Variants in KATNB1 observed in about 807,000 individuals in gnomAD.
The protein encoded by KATNB1 is katanin p80 WD40 repeat-containing subunit B1.
A neutral mutation model predicts 82.3 loss-of-function variants in KATNB1; 38 were observed. The observed-to-expected ratio is 0.46, with a 90% CI of 0.36 to 0.61. The LOEUF is 0.61. Ranked by LOEUF, KATNB1 falls within the 20% of genes least tolerant of loss-of-function variation. KATNB1 has a pLI of 0.00. For missense variants in KATNB1, 749 were observed against 915.7 expected (o/e 0.82, Z 2.35); for synonymous variants, 361 against 368.7 (o/e 0.98, Z 0.24).
intron 16 of KATNB1, 99 bp from the exon 17 acceptor site, chr16:57,755,742 A>G: frequency 2.5e-6 from 3 of 1,182,620 alleles, no homozygotes; most frequent in Non-Finnish European, 3.6e-6. Flanking sequence ...CCACAGCCCC[A>G]TCAGCACACC....
intron 3 of KATNB1, 58 bp from the exon 4 acceptor site, chr16:57,744,336 G>T: frequency 7.0e-7 from 1 of 1,431,790 alleles, no homozygotes; most frequent in Non-Finnish European, 9.8e-7. Flanking sequence ...TGGAATTCAG[G>T]GCGCAACTGC....
At chr16:57,754,294 G>A (rs1008130670) in intron 13 of KATNB1, among the ~76,000 whole-genome samples, 5 of 152,304 alleles carry the variant, frequency 3.3e-5, no homozygotes, top group African/African-American at 9.6e-5. Context: ...GTCACTGGGG[G>A]CCCACCTTAG....
At chr16:57,745,719 A>G (rs1263333675) in intron 4 of KATNB1, among the ~76,000 whole-genome samples, 1 of 152,074 alleles carries the variant, frequency 6.6e-6, no homozygotes, top group Non-Finnish European at 1.5e-5. Flanking sequence ...TTTATAATGT[A>G]AGGACGCATA....
At chr16:57,748,510 T>C (rs1243930839) in intron 4 of KATNB1, among the ~76,000 whole-genome samples, 1 of 150,128 alleles carries the variant, frequency 6.7e-6, no homozygotes, top group African/African-American at 2.4e-5. Flanking sequence ...CTGCCTCATA[T>C]CGGTTGCCTT....
Position 57,737,110 on chromosome 16 carries a change from C to A in KATNB1, c.-134C>A. ...GGCACCCCAGGGCCAGAAGACGAGG[C>A]ATTCTGTCTGCCTGGATGTGTGGGA... On this transcript the variant is annotated 5_prime_UTR_variant, in exon 2 of 20. Coordinates refer to ENST00000379661, the MANE Select transcript of KATNB1 (RefSeq NM_005886.3). The A allele has an allele frequency of 9.1e-7, 1 of 1,096,194 alleles. No individual in the cohort carries two copies. The highest frequency in any genetic ancestry group is 1.4e-6 in the Non-Finnish European group (1 of 737,456). 67.9% of individuals were successfully genotyped at this position (1,096,194 alleles called of 1,614,324 possible). A position where few individuals can be genotyped will look rare whatever the true frequency, so the allele number is the denominator to read the frequency against.
chr16:57,746,331 A>G (rs181444334), intron 4 of KATNB1, among the ~76,000 whole-genome samples: 1 of 152,060 alleles, frequency 6.6e-6, no homozygotes, highest in East Asian at 1.9e-4. Context: ...GCTTCATTCC[A>G]TGTTCTGTCT....
intron 2 of KATNB1, 59 bp downstream of exon 2, chr16:57,737,342 G>A: frequency 6.3e-7 from 1 of 1,593,264 alleles, no homozygotes; most frequent in African/African-American, 1.3e-5. Context: ...CTTGTTGCTG[G>A]GAGGCCTGAA....
Position 57,741,691 on chromosome 16 carries a change from G to C in KATNB1, c.45G>C (p.Glu15Asp). 1 of 1,613,528 alleles carries C rather than the reference G, an allele frequency of 6.2e-7. No individual in the cohort carries two copies. Among genetic ancestry groups the C allele is most frequent in the Non-Finnish European group, 8.5e-7 (1 of 1,179,788 alleles). ...TCCCTCTCCTTCCCTGTGTAGAAGA[G>C]ATCGTCGCGCATGCCAGCAACGTGT... ...VVTKTAWKLQEIVAHASNVSS... is the reference protein window; with the variant it reads ...VVTKTAWKLQDIVAHASNVSS... The change falls in exon 3 of 20, where the codon GAG (glutamate) becomes GAC (aspartate). Residue 15 changes from glutamate to aspartate, a missense_variant. By Grantham distance (45) the Glu-to-Asp change is conservative. Around this residue, in one of 3 missense-constraint regions of KATNB1, gnomAD observed 247 missense variants for 349.4 expected, o/e 0.71. Coordinates refer to ENST00000379661, the MANE Select transcript of KATNB1 (RefSeq NM_005886.3).
chr16:57,755,211 C>A lies in KATNB1; in HGVS notation c.1389C>A (p.Ile463=). Residue 463 remains isoleucine, a synonymous_variant, in exon 15 of 20, where the codon ATC becomes ATA. Coordinates refer to ENST00000379661, the MANE Select transcript of KATNB1 (RefSeq NM_005886.3). The part of the protein sequence containing the change: ...AIIPATRNEP[I]GLKASDFLPA... ...TCCCTGCCACCCGGAACGAGCCCATCGGGCTGAAGGCCTCCGACTTCCTGC... is the reference window on the plus strand; with the variant it reads ...TCCCTGCCACCCGGAACGAGCCCATAGGGCTGAAGGCCTCCGACTTCCTGC... 2.5e-6 allele frequency: 4 copies of A among 1,611,602 alleles called. No homozygotes were observed. Among genetic ancestry groups the A allele is most frequent in the Non-Finnish European group, 3.4e-6 (4 of 1,179,968 alleles).
intron 4 of KATNB1, among the ~76,000 whole-genome samples, chr16:57,745,831 T>G (rs997311263): frequency 6.6e-6 from 1 of 152,116 alleles, no homozygotes; most frequent in Non-Finnish European, 1.5e-5. Context: ...TATGTCCATA[T>G]TACTCATTCA....
intron 4 of KATNB1, 139 bp from the exon 5 acceptor site, chr16:57,750,688 G>T (rs1287806876): frequency 4.4e-6 from 3 of 686,242 alleles, no homozygotes; most frequent in African/African-American, 1.8e-5. Context: ...GTTTCCTACT[G>T]TTTTAAAAAT....
Position 57,755,890 on chromosome 16 carries a change from A to T in KATNB1, c.1616A>T (p.Asp539Val). Reference sequence around the variant, plus strand: ...ATCAACGACCTGTCGGTGGTGGTGGACCTCCTGAACATCGTCAACCAGAAA... The same window carrying T: ...ATCAACGACCTGTCGGTGGTGGTGGTCCTCCTGAACATCGTCAACCAGAAA... ...VAINDLSVVVDLLNIVNQKAS... is the reference protein window; with the variant it reads ...VAINDLSVVVVLLNIVNQKAS... Residue 539 changes from aspartate to valine, a missense_variant, in exon 17 of 20, where the codon GAC (aspartate) becomes GTC (valine). By Grantham distance (152) the Asp-to-Val change is radical. Coordinates refer to ENST00000379661, the MANE Select transcript of KATNB1 (RefSeq NM_005886.3). 6.3e-7 allele frequency: 1 copy of T among 1,596,858 alleles called. No individual in the cohort carries two copies. Among genetic ancestry groups the T allele is most frequent in the Non-Finnish European group, 8.6e-7 (1 of 1,166,812 alleles).
chr16:57,755,596 C>A, intron 16 of KATNB1, 102 bp downstream of exon 16: 1 of 1,462,800 alleles, frequency 6.8e-7, no homozygotes, highest in Non-Finnish European at 9.3e-7. Flanking sequence ...CCATGGGGGA[C>A]AGTGTGGGAT....
chr16:57,747,589 C>T (rs1224960769), intron 4 of KATNB1, among the ~76,000 whole-genome samples: 3 of 152,346 alleles, frequency 2.0e-5, no homozygotes, highest in Middle Eastern at 3.4e-3. Context: ...GGCACGTGAT[C>T]GCACTGCCTG....
chr16:57,741,928 C>A, intron 3 of KATNB1, 111 bp downstream of exon 3: 3 of 1,296,938 alleles, frequency 2.3e-6, no homozygotes, highest in Non-Finnish European at 3.2e-6. Context: ...GAGCCCAGGG[C>A]CCCCTATCCG....
chr16:57,750,873 T>C lies in KATNB1; in HGVS notation c.336T>C (p.Asp112=). Residue 112 remains aspartate, a synonymous_variant, in exon 5 of 20, where the codon GAT becomes GAC. Coordinates refer to ENST00000379661, the MANE Select transcript of KATNB1 (RefSeq NM_005886.3). The stretch of plus-strand genomic sequence containing the variant: ...ACAAAGCCAACATCTGCAGCCTGGA[T>C]TTCCACCCGTACGGCGAGTTTGTAG... ...MGHKANICSL[D]FHPYGEFVAS... The C allele has an allele frequency of 6.2e-7, 1 of 1,614,142 alleles. No homozygotes were observed.
In KATNB1 at chr16:57,754,117, C is replaced by T; in HGVS notation, c.1228+122C>T. The T allele has an allele frequency of 3.7e-6, 3 of 802,218 alleles. No homozygotes were observed. The South Asian group carries it at 4.8e-5, about 13-fold the overall frequency. 49.7% of individuals were successfully genotyped at this position (802,218 alleles called of 1,614,324 possible). On this transcript the variant is annotated intron_variant, in intron 13 of 19. Coordinates refer to ENST00000379661, the MANE Select transcript of KATNB1 (RefSeq NM_005886.3). ...CCCTCCCCTCTCAGGACACGACCCA[C>T]ACCCTCTCCCGCTGGGTCTCTGCCC...
chr16:57,755,859 G>C lies in KATNB1; in HGVS notation c.1585G>C (p.Val529Leu), dbSNP rs1555585971. 1.3e-6 allele frequency: 2 copies of C among 1,593,716 alleles called. No individual in the cohort carries two copies. Among genetic ancestry groups the C allele is most frequent in the African/African-American group, 2.7e-5 (2 of 74,586 alleles). Residue 529 changes from valine (V) to leucine (L), a missense_variant, in exon 17 of 20, where the codon GTG (valine) becomes CTG (leucine). Val to Leu is a conservative substitution (Grantham distance 32). Transcript: ENST00000379661. ...TGCACAGACGTCGGTGGACTCCGCT[G>C]TGGCCATCAACGACCTGTCGGTGGT... ...GDIKTSVDSA[V>L]AINDLSVVVD...
At chr16:57,748,580 G>T (rs1220903131) in intron 4 of KATNB1, among the ~76,000 whole-genome samples, 1 of 152,084 alleles carries the variant, frequency 6.6e-6, no homozygotes, top group Non-Finnish European at 1.5e-5. Flanking sequence ...CAGCTGGGAG[G>T]CGTTGGGGGT....
Sources: allele counts gnomAD v4.1 joint callset (sites outside exome capture counted in the v4.1 genomes callset), GRCh38; gene constraint gnomAD v4.1.1; regional missense constraint gnomAD v4.1.1; transcripts MANE v1.5; gene names NCBI Gene and HGNC (gene_info 2026-07-23, HGNC 2026-07-21).